The following ADPRHL1 variants were observed in gnomAD, a reference collection of about 807,000 sequenced individuals.
The protein encoded by ADPRHL1 is ADP-ribosylhydrolase like 1, also known as inactive ADP-ribosyltransferase ARH2.
A neutral mutation model predicts 44.1 loss-of-function variants in ADPRHL1; 43 were observed. That is an observed-to-expected ratio of 0.98 (90% CI 0.76 to 1.26). The LOEUF is 1.26. ADPRHL1 is among the 50% of genes most tolerant of loss of function. The pLI, the probability that ADPRHL1 is intolerant of heterozygous loss-of-function variation, is 0.00. For synonymous variants in ADPRHL1, 878 were observed against 1,017.4 expected (o/e 0.86, Z 2.61); for missense variants, 2,022 against 2,496.9 (o/e 0.81, Z 4.05).
chr13:113,450,154 G>A (rs1462703992), intron 1 of ADPRHL1, among the ~76,000 whole-genome samples: 1 of 152,144 alleles, frequency 6.6e-6, no homozygotes, highest in African/African-American at 2.4e-5. Context: ...CTGGGCTCAG[G>A]CAATCTGCCC....
chr13:113,444,658 G>T, intron 1 of ADPRHL1, 69 bp from the exon 2 acceptor site: 1 of 1,544,586 alleles, frequency 6.5e-7, no homozygotes, highest in Non-Finnish European at 8.8e-7. Flanking sequence ...CTCCCGCGGG[G>T]TCAGGCACCA....
At chr13:113,420,640 C>T (rs376589072) in intron 7 of ADPRHL1, among the ~76,000 whole-genome samples, 41 of 152,158 alleles carry the variant, frequency 2.7e-4, no homozygotes, top group African/African-American at 9.2e-4. Context: ...CCTTCGCCCC[C>T]GTGTGCCTGT....
At position 113,439,279 on chromosome 13, in the gene ADPRHL1, C is replaced by T. The variant is rs140995451; in HGVS notation, c.379+5146G>A. Among the ~76,000 whole-genome samples, 41 of 152,038 alleles carry T rather than the reference C, an allele frequency of 2.7e-4. No homozygotes were observed. In the East Asian group the frequency reaches 6.6e-3, roughly 25 times the overall value. ...CTGGGACTACAGGTGTGCACCACCA[C>T]GCCCAGCTAATTTTTGTATTTTTAG... On this transcript the variant is annotated intron_variant, in intron 2 of 7. Transcript: ENST00000612156.
Position 113,406,111 on chromosome 13 carries a change from C to T in ADPRHL1, c.3171G>A (p.Pro1057=), listed in dbSNP as rs966817315. 66 of 1,232,018 alleles carry T rather than the reference C, an allele frequency of 5.4e-5. No individual in the cohort carries two copies. The highest frequency in any genetic ancestry group is 3.7e-4 in the South Asian group (9 of 24,324). The allele number at this position is 1,232,018 out of a possible 1,614,324, so 76.3% of individuals were successfully genotyped here. Residue 1057 remains proline, a synonymous_variant, in exon 8 of 8, where the codon CCG becomes CCA. Transcript: ENST00000612156. ...KGRTGPEGVT[P]MGMTVPGALE... is the part of the protein sequence containing the mutation. Reference sequence around the variant, plus strand: ...GCGCACCGGGCACTGTCATGCCCATCGGGGTGACACCCTCAGGCCCCGTAC... The same window carrying T: ...GCGCACCGGGCACTGTCATGCCCATTGGGGTGACACCCTCAGGCCCCGTAC...
At chr13:113,419,068 CTCCCTCCTTCCTTCCTTCT>C in intron 7 of ADPRHL1, among the ~76,000 whole-genome samples, 1 of 101,366 alleles carries the variant, frequency 9.9e-6, no homozygotes, top group African/African-American at 3.4e-5. Flanking sequence ...CCTTCCTTCA[CTCCCTCCTTCCTTCCTTCT>C]TCCCTCCCTC....
intron 2 of ADPRHL1, among the ~76,000 whole-genome samples, chr13:113,434,862 A>G: frequency 7.8e-6 from 1 of 128,538 alleles, no homozygotes; most frequent in Non-Finnish European, 1.7e-5. Context: ...CCAGGTGTAG[A>G]GTGAACATAG....
chr13:113,407,761 C>T lies in ADPRHL1; in HGVS notation c.1521G>A (p.Lys507=). The T allele has an allele frequency of 1.6e-6, 2 of 1,232,154 alleles. No homozygotes were observed. The highest frequency in any genetic ancestry group is 2.0e-6 in the Non-Finnish European group (2 of 988,082). The allele number at this position is 1,232,154 out of a possible 1,614,324, so 76.3% of individuals were successfully genotyped here. A position where few individuals can be genotyped will look rare whatever the true frequency, so the allele number is the denominator to read the frequency against. The part of the protein sequence containing the change: ...AGKSTVKNIL[K]IFLAAEEKEA... Reference sequence around the variant, plus strand: ...CCTTCTCCTCGGCGGCCAAGAATATCTTCAGGATGTTTTTCACGGTGCTCT... The same window carrying T: ...CCTTCTCCTCGGCGGCCAAGAATATTTTCAGGATGTTTTTCACGGTGCTCT... The change falls in exon 8 of 8, where the codon AAG becomes AAA. Residue 507 remains lysine, a synonymous_variant. Coordinates refer to ENST00000612156, the MANE Select transcript of ADPRHL1 (RefSeq NM_001394807.1).
intron 7 of ADPRHL1, among the ~76,000 whole-genome samples, chr13:113,414,876 T>C (rs4592553): frequency 0.4 from 61,051 of 151,718 alleles, 12,723 homozygotes; most frequent in Middle Eastern, 0.5. Context: ...GGTTTCACCA[T>C]GTTGGCTAGG....
intron 2 of ADPRHL1, among the ~76,000 whole-genome samples, chr13:113,434,728 AGG>A (rs1236010286): frequency 6.1e-5 from 8 of 131,470 alleles, no homozygotes; most frequent in African/African-American, 8.5e-5. Flanking sequence ...CCCGGCACCC[AGG>A]CGTAGAGTGA....
chr13:113,417,472 GC>G (rs756745090), intron 7 of ADPRHL1, among the ~76,000 whole-genome samples: 20 of 152,246 alleles, frequency 1.3e-4, no homozygotes, highest in Non-Finnish European at 2.2e-4. Context: ...GACACAGAGT[GC>G]CCCAGATCAG....
At chr13:113,423,326 A>G (rs981740260) in intron 6 of ADPRHL1, among the ~76,000 whole-genome samples, 1 of 152,032 alleles carries the variant, frequency 6.6e-6, no homozygotes, top group Non-Finnish European at 1.5e-5. Context: ...TCCCTGGGGC[A>G]GGCATCTGTG....
In ADPRHL1 at chr13:113,410,797, C is replaced by G. The variant is rs769452009; in HGVS notation, c.1062-2577G>C. Among the ~76,000 whole-genome samples, 89 of 152,222 alleles carry G rather than the reference C, an allele frequency of 5.8e-4. 1 individual carries two copies. Among genetic ancestry groups the G allele is most frequent in the Non-Finnish European group, 2.2e-4 (15 of 68,036 alleles). ...CCGACCTCGGGGTTGGGGGACCAGC[C>G]TGGGGGCATTGTGCTCCCTCTGAAG... is the stretch of plus-strand genomic sequence containing the variant. On this transcript the variant is annotated intron_variant, in intron 7 of 7. Transcript: ENST00000612156.
At chr13:113,413,127 T>C (rs34615799) in intron 7 of ADPRHL1, among the ~76,000 whole-genome samples, 66 of 36,942 alleles carry the variant, frequency 1.8e-3, no homozygotes, top group East Asian at 8.1e-3. Flanking sequence ...CAACAGCTCC[T>C]CGCAGAGCTC....
At chr13:113,439,487 C>T (rs371083389) in intron 2 of ADPRHL1, among the ~76,000 whole-genome samples, 7 of 146,160 alleles carry the variant, frequency 4.8e-5, no homozygotes, top group East Asian at 4.2e-4. Context: ...CTTGCTCTGT[C>T]GCCAGGCTGG....
chr13:113,443,644 TA>T (rs1425629973), intron 2 of ADPRHL1, among the ~76,000 whole-genome samples: 3 of 150,738 alleles, frequency 2.0e-5, no homozygotes, highest in East Asian at 2.0e-4. Flanking sequence ...AATAAATGAT[TA>T]AAAAAAATTT....
intron 7 of ADPRHL1, among the ~76,000 whole-genome samples, chr13:113,418,073 T>C (rs9549784): frequency 0.52 from 78,681 of 152,030 alleles, 21,019 homozygotes; most frequent in African/African-American, 0.6. Flanking sequence ...GGTGAGGTCT[T>C]CCAGAATTAG....
Position 113,429,099 on chromosome 13 carries a change from G to T in ADPRHL1, c.506-7C>A, listed in dbSNP as rs751125228. ...CACAGGGAGCCCAGGAAGCCTGGAGGGCAGGGAAGAGAGAGGGGGCACCAT... is the reference window on the plus strand; with the variant it reads ...CACAGGGAGCCCAGGAAGCCTGGAGTGCAGGGAAGAGAGAGGGGGCACCAT... On this transcript the variant is annotated splice_region_variant and splice_polypyrimidine_tract_variant and intron_variant, in intron 3 of 7. Transcript: ENST00000612156. 2 of 1,588,804 alleles carry T rather than the reference G, an allele frequency of 1.3e-6. No individual in the cohort carries two copies. Among genetic ancestry groups the T allele is most frequent in the South Asian group, 1.1e-5 (1 of 89,924 alleles).
intron 2 of ADPRHL1, among the ~76,000 whole-genome samples, chr13:113,443,897 C>T (rs1478193428): frequency 1.4e-5 from 2 of 148,090 alleles, no homozygotes; most frequent in Non-Finnish European, 3.0e-5. Flanking sequence ...GACCCAAGAT[C>T]GCACCACTGC....
In ADPRHL1 at chr13:113,407,035, C is replaced by G. The variant is rs1170915520; in HGVS notation, c.2247G>C (p.Glu749Asp). ...CCTCCTGGACGCCTCCTGCGGTGCTCTCTGCGGTGGGGTCTGCAGTCCCAT... is the reference window on the plus strand; with the variant it reads ...CCTCCTGGACGCCTCCTGCGGTGCTGTCTGCGGTGGGGTCTGCAGTCCCAT... ...GGDGTADPTA[E>D]STAGGVQEVR... Residue 749 changes from glutamate (E) to aspartate (D), a missense_variant, in exon 8 of 8, where the codon GAG becomes GAC. Transcript: ENST00000612156. 5 of 1,232,164 alleles carry G rather than the reference C, an allele frequency of 4.1e-6. No individual in the cohort carries two copies. The East Asian group carries it at 1.3e-4, about 31-fold the overall frequency. 76.3% of individuals were successfully genotyped at this position (1,232,164 alleles called of 1,614,324 possible).
Sources: gnomAD v4.1 joint callset for allele counts (sites outside exome capture counted in the v4.1 genomes callset) on GRCh38, gnomAD v4.1.1 for gene constraint, MANE v1.5 for transcripts, NCBI Gene and HGNC (gene_info 2026-07-23, HGNC 2026-07-21) for gene names.